The following ASCC3 variants were observed in gnomAD, a reference collection of about 807,000 sequenced individuals.
ASCC3 encodes the protein ASC-1 complex subunit P200.
Under a neutral mutation model 256.3 loss-of-function variants are expected in ASCC3, and 158 were observed. That is an observed-to-expected ratio of 0.62 (90% CI 0.54 to 0.70). ASCC3 has a LOEUF of 0.70. Ranked by LOEUF, ASCC3 falls within the 30% of genes least tolerant of loss-of-function variation. The pLI is 0.00. For missense variants in ASCC3, 2,259 were observed against 2,626.0 expected (o/e 0.86, Z 3.05); for synonymous variants, 948 against 883.4 (o/e 1.07, Z -1.30).
rs77439265 is a variant in ASCC3 at position 100,693,421 on chromosome 6, T to C, written c.2152-13669A>G. Among the ~76,000 whole-genome samples, 48 of 151,496 alleles carry C rather than the reference T, an allele frequency of 3.2e-4. No individual in the cohort carries two copies. In the East Asian group the frequency reaches 9.1e-3, roughly 29 times the overall value. The stretch of plus-strand genomic sequence containing the variant: ...TCAAACTCAGTGCTGGTTTGTAGAG[T>C]TGGGGCAGCATTTTCAGTTACAGGT... On this transcript the variant is annotated intron_variant, in intron 13 of 41. Coordinates refer to ENST00000369162, the MANE Select transcript of ASCC3 (RefSeq NM_006828.4).
rs977874806 is a variant in ASCC3 at position 100,547,041 on chromosome 6, T to C, written c.5551-6654A>G. 5.9e-5 allele frequency among the ~76,000 whole-genome samples: 9 copies of C among 152,006 alleles called. 1 individual carries two copies. Among genetic ancestry groups the C allele is most frequent in the Non-Finnish European group, 1.0e-4 (7 of 67,938 alleles). On this transcript the variant is annotated intron_variant, in intron 36 of 41. Transcript: ENST00000369162. ...GCTACACTAAGCAAAAATGTATACA[T>C]TGGAATTGAACAAGGAGTCCAAAAA...
chr6:100,557,678 T>C (rs1187770738), intron 36 of ASCC3, among the ~76,000 whole-genome samples: 2 of 117,232 alleles, frequency 1.7e-5, no homozygotes, highest in African/African-American at 3.3e-5. Flanking sequence ...ATGTGCCCCT[T>C]CATAGAGAGG....
intron 8 of ASCC3, among the ~76,000 whole-genome samples, chr6:100,798,104 A>C (rs1415206097): frequency 1.3e-5 from 2 of 152,142 alleles, no homozygotes; most frequent in African/African-American, 2.4e-5. Context: ...TATAGAACAT[A>C]CATGAAAAAC....
chr6:100,710,768 T>G (rs2115013820), intron 13 of ASCC3, among the ~76,000 whole-genome samples: 1 of 152,306 alleles, frequency 6.6e-6, no homozygotes, highest in Middle Eastern at 3.4e-3. Context: ...TCCCAACATT[T>G]GGGGATACAG....
At chr6:100,688,709 AT>A (rs1356370164) in intron 13 of ASCC3, among the ~76,000 whole-genome samples, 1 of 152,116 alleles carries the variant, frequency 6.6e-6, no homozygotes, top group African/African-American at 2.4e-5. Context: ...TCATCCAACA[AT>A]TACGTGACAG....
intron 8 of ASCC3, among the ~76,000 whole-genome samples, chr6:100,787,297 C>T (rs960548928): frequency 9.9e-5 from 15 of 151,620 alleles, no homozygotes; most frequent in African/African-American, 3.6e-4. Context: ...TAAAATAATA[C>T]CAGAAAACAT....
At chr6:100,780,986 T>C (rs185916289) in intron 8 of ASCC3, among the ~76,000 whole-genome samples, 4 of 152,316 alleles carry the variant, frequency 2.6e-5, no homozygotes, top group Admixed American at 2.0e-4. Context: ...ATAAGAAGTA[T>C]TTTCCTTTAA....
chr6:100,768,141 G>A (rs1011244312), intron 8 of ASCC3, among the ~76,000 whole-genome samples: 12 of 151,698 alleles, frequency 7.9e-5, no homozygotes, highest in African/African-American at 2.9e-4. Flanking sequence ...TTTTTAAAAC[G>A]CAGCAGTAAT....
At chr6:100,822,536 C>CA (rs34408420) in intron 4 of ASCC3, among the ~76,000 whole-genome samples, 188 of 112,998 alleles carry the variant, frequency 1.7e-3, no homozygotes, top group Middle Eastern at 4.5e-3. Flanking sequence ...ACTCCGTCTC[C>CA]AAAAAAAAAA....
intron 8 of ASCC3, among the ~76,000 whole-genome samples, chr6:100,771,142 C>T (rs188761987): frequency 6.6e-6 from 1 of 152,166 alleles, no homozygotes; most frequent in Admixed American, 6.5e-5. Context: ...ATTTGGACAA[C>T]TGATTTTTGA....
chr6:100,770,036 A>T (rs9404038), intron 8 of ASCC3, among the ~76,000 whole-genome samples: 2 of 151,766 alleles, frequency 1.3e-5, no homozygotes, highest in Non-Finnish European at 2.9e-5. Flanking sequence ...ATCAATTTTA[A>T]GTGGAGTTTT....
chr6:100,589,130 A>G (rs1172914905), intron 36 of ASCC3, among the ~76,000 whole-genome samples: 1 of 152,134 alleles, frequency 6.6e-6, no homozygotes, highest in African/African-American at 2.4e-5. Flanking sequence ...ATAGTTTTTT[A>G]CCATGTGATA....
At chr6:100,809,712 C>T (rs1053089675) in intron 4 of ASCC3, among the ~76,000 whole-genome samples, 3 of 152,206 alleles carry the variant, frequency 2.0e-5, no homozygotes, top group African/African-American at 7.2e-5. Context: ...TACTATAAAA[C>T]ATTTTTAAAT....
intron 8 of ASCC3, among the ~76,000 whole-genome samples, chr6:100,775,444 C>G (rs1389150342): frequency 6.6e-6 from 1 of 151,918 alleles, no homozygotes; most frequent in Non-Finnish European, 1.5e-5. Flanking sequence ...CCAAGTCTAC[C>G]CTGCTAATAA....
At chr6:100,590,791 C>G (rs574359018) in intron 34 of ASCC3, among the ~76,000 whole-genome samples, 9 of 152,200 alleles carry the variant, frequency 5.9e-5, no homozygotes, top group East Asian at 1.9e-4. Flanking sequence ...ATAGAGAACA[C>G]TATCTAGATG....
chr6:100,805,307 T>C (rs1370664974), intron 5 of ASCC3, among the ~76,000 whole-genome samples: 2 of 151,942 alleles, frequency 1.3e-5, no homozygotes, highest in Non-Finnish European at 2.9e-5. Context: ...GAGCTAAACA[T>C]TGGGTACACA....
chr6:100,601,443 T>G (rs948276105), intron 34 of ASCC3, among the ~76,000 whole-genome samples: 1 of 151,988 alleles, frequency 6.6e-6, no homozygotes, highest in Non-Finnish European at 1.5e-5. Flanking sequence ...GCCCCACAAA[T>G]TTTTTTCCAC....
intron 8 of ASCC3, among the ~76,000 whole-genome samples, chr6:100,778,749 T>A (rs957290605): frequency 2.6e-5 from 4 of 152,136 alleles, no homozygotes; most frequent in Non-Finnish European, 5.9e-5. Flanking sequence ...AATCTAATCA[T>A]GCAACAGCCT....
intron 2 of ASCC3, among the ~76,000 whole-genome samples, 192 bp from the exon 3 acceptor site, chr6:100,864,406 C>T (rs1773382339): frequency 6.6e-6 from 1 of 152,132 alleles, no homozygotes; most frequent in Non-Finnish European, 1.5e-5. Flanking sequence ...GATTCTCATT[C>T]GTTGAAAAGA....
Sources: allele counts gnomAD v4.1 joint callset (sites outside exome capture counted in the v4.1 genomes callset), GRCh38; gene constraint gnomAD v4.1.1; transcripts MANE v1.5; gene names NCBI Gene and HGNC (gene_info 2026-07-23, HGNC 2026-07-21).